Variants in SBNO2 observed in about 807,000 individuals in gnomAD.
SBNO2 encodes the protein strawberry notch homolog 2, also known as protein strawberry notch homolog 2.
SBNO2 carries 89 observed loss-of-function variants against 146.3 expected under a neutral mutation model. The observed-to-expected ratio is 0.61, with a 90% confidence interval of 0.51 to 0.73. SBNO2 has a LOEUF of 0.73. Among genes scored for constraint, SBNO2 ranks in the 30% least tolerant of loss-of-function variants. SBNO2 has a pLI of 0.00. For missense variants in SBNO2, 2,092 were observed against 2,003.7 expected (o/e 1.04, Z -0.84); for synonymous variants, 1,147 against 892.6 (o/e 1.29, Z -5.08).
rs1018547041 is a variant in SBNO2 at position 1,140,394 on chromosome 19, C to T, written c.279+6915G>A. Among the ~76,000 whole-genome samples, 4 of 152,122 alleles carry T rather than the reference C, an allele frequency of 2.6e-5. No homozygotes were observed. Among genetic ancestry groups the T allele is most frequent in the African/African-American group, 7.2e-5 (3 of 41,422 alleles). ...CGGCAGGGGGCCCCACCAGGACACA[C>T]GGGGCTGAGCCATCACCCACCAGGG... is the stretch of plus-strand genomic sequence containing the variant. On this transcript the variant is annotated intron_variant, in intron 4 of 31. Transcript: ENST00000361757. The surrounding 1 kb of genome is among the most constrained non-coding windows in gnomAD (Gnocchi z 4.4).
intron 1 of SBNO2, among the ~76,000 whole-genome samples, chr19:1,164,467 C>T (rs536961056): frequency 5.9e-4 from 77 of 130,450 alleles, no homozygotes; most frequent in Admixed American, 1.5e-3. Context: ...TGCTAGGACA[C>T]TGTGGGGACG....
rs1171031627 is a variant in SBNO2 at position 1,113,670 on chromosome 19, G to A, written c.2112C>T (p.Gly704=). ...PLCLLQRDPH[G]PGVLERVERL... The stretch of plus-strand genomic sequence containing the variant: ...GCTCCACCCGCTCCAGGACCCCGGG[G>A]CCATGCGGGTCTCTCTGCAGGAGGC... The change falls in exon 19 of 32, where the codon GGC becomes GGT. Residue 704 remains glycine, a synonymous_variant. Coordinates refer to ENST00000361757, the MANE Select transcript of SBNO2 (RefSeq NM_014963.3). 6.9e-6 allele frequency: 11 copies of A among 1,594,050 alleles called. No homozygotes were observed. The highest frequency in any genetic ancestry group is 5.5e-5 in the African/African-American group (4 of 73,106).
chr19:1,119,185 C>A (rs747074353), intron 13 of SBNO2, 21 bp from the exon 14 acceptor site: 1 of 1,580,794 alleles, frequency 6.3e-7, no homozygotes, highest in Non-Finnish European at 8.6e-7. Flanking sequence ...ACACAGCCCC[C>A]GTGAGCACGG....
intron 4 of SBNO2, among the ~76,000 whole-genome samples, chr19:1,142,034 C>T (rs1171366679): frequency 6.6e-6 from 1 of 151,712 alleles, no homozygotes; most frequent in African/African-American, 2.4e-5. Context: ...TCAACCCTCC[C>T]CTCAATGACC....
At chr19:1,146,724 G>C (rs1017529793) in intron 4 of SBNO2, among the ~76,000 whole-genome samples, 54 of 145,988 alleles carry the variant, frequency 3.7e-4, no homozygotes, top group East Asian at 1.6e-3. Context: ...CTGTGAGGGT[G>C]GGGGTGGGGT....
At chr19:1,162,858 A>G (rs1205079288) in intron 1 of SBNO2, among the ~76,000 whole-genome samples, 1 of 152,182 alleles carries the variant, frequency 6.6e-6, no homozygotes. Flanking sequence ...GTGGGAAGAG[A>G]GCAGACCATC....
intron 10 of SBNO2, 60 bp downstream of exon 10, chr19:1,122,408 C>T (rs957193542): frequency 7.2e-6 from 11 of 1,527,704 alleles, no homozygotes; most frequent in Middle Eastern, 3.4e-4. Context: ...GCTGAGCAGC[C>T]CCCACTTTGC....
chr19:1,111,654 G>T (rs1280385549), intron 23 of SBNO2, 40 bp from the exon 24 acceptor site: 7 of 1,479,382 alleles, frequency 4.7e-6, no homozygotes, highest in Non-Finnish European at 6.5e-6. Flanking sequence ...GCCCAGGGAG[G>T]AGGCTGGCTT....
chr19:1,169,822 A>G (rs1012715229), intron 1 of SBNO2, among the ~76,000 whole-genome samples: 14 of 152,230 alleles, frequency 9.2e-5, no homozygotes, highest in African/African-American at 3.4e-4. Context: ...TGTCCGGAGC[A>G]TATGACTCAA....
chr19:1,171,235 C>A (rs1030864205), intron 1 of SBNO2, among the ~76,000 whole-genome samples: 7 of 152,008 alleles, frequency 4.6e-5, no homozygotes, highest in African/African-American at 1.7e-4. Context: ...ACACACACAA[C>A]GCACCCACAT....
chr19:1,135,291 G>A (rs1222130678), intron 4 of SBNO2, among the ~76,000 whole-genome samples: 4 of 151,872 alleles, frequency 2.6e-5, no homozygotes, highest in South Asian at 4.2e-4. Flanking sequence ...GAGCTAGAGA[G>A]GTGGAAGCTG....
intron 1 of SBNO2, among the ~76,000 whole-genome samples, chr19:1,172,333 G>T (rs111374841): frequency 6.6e-6 from 1 of 152,168 alleles, no homozygotes; most frequent in Non-Finnish European, 1.5e-5. Flanking sequence ...CCCTTTCTCG[G>T]CAAGAACTCT....
intron 11 of SBNO2, among the ~76,000 whole-genome samples, chr19:1,121,368 G>A (rs1048731486): frequency 1.3e-5 from 2 of 152,206 alleles, no homozygotes; most frequent in Admixed American, 6.5e-5. Flanking sequence ...TCAGCCGGGT[G>A]CGAAGACACC....
intron 10 of SBNO2, 41 bp downstream of exon 10, chr19:1,122,427 G>T (rs1368413488): frequency 9.7e-6 from 15 of 1,545,096 alleles, no homozygotes; most frequent in Non-Finnish European, 1.3e-5. Context: ...GCAGGGCACG[G>T]TCCCCACCTT....
intron 1 of SBNO2, among the ~76,000 whole-genome samples, chr19:1,169,342 G>C (rs2080456158): frequency 6.6e-6 from 1 of 152,242 alleles, no homozygotes; most frequent in Admixed American, 6.5e-5. Context: ...TGCGGCCCCA[G>C]GCTGAGGCCT....
chr19:1,118,893 C>T, intron 14 of SBNO2, 118 bp downstream of exon 14: 1 of 1,081,586 alleles, frequency 9.2e-7, no homozygotes, highest in Non-Finnish European at 1.3e-6. Flanking sequence ...AAAAAAAACC[C>T]CAGGACAGGA....
At chr19:1,133,644 C>A (rs1015857058) in intron 4 of SBNO2, among the ~76,000 whole-genome samples, 9 of 152,224 alleles carry the variant, frequency 5.9e-5, no homozygotes, top group African/African-American at 1.4e-4. Context: ...GCCAGGCACC[C>A]CGCCCGCCAA....
At chr19:1,123,472 G>T in intron 7 of SBNO2, 62 bp downstream of exon 7, 1 of 1,415,652 alleles carries the variant, frequency 7.1e-7, no homozygotes. Flanking sequence ...TCACCTGCAG[G>T]GTCTCGGTCC....
Position 1,109,762 on chromosome 19 carries a change from A to G in SBNO2, c.3044T>C (p.Ile1015Thr). The G allele has an allele frequency of 6.4e-7, 1 of 1,559,618 alleles. No homozygotes were observed. The highest frequency in any genetic ancestry group is 2.4e-5 in the East Asian group (1 of 40,928). The change falls in exon 27 of 32, where the codon ATC becomes ACC. Residue 1015 changes from isoleucine to threonine, a missense_variant. Ile to Thr is a moderately conservative substitution (Grantham distance 89). Coordinates refer to ENST00000361757, the MANE Select transcript of SBNO2 (RefSeq NM_014963.3). The surrounding 1 kb of genome is among the most constrained non-coding windows in gnomAD (Gnocchi z 4.2). Reference protein sequence around the residue: ...DMGILDLAPGIEEIYEESQQV... With the variant: ...DMGILDLAPGTEEIYEESQQV... ...CTGGCTCTCCTCGTAGATCTCCTCG[A>G]TACCGGGAGCAAGGTCTAGGGGGGC...
Sources: gnomAD v4.1 joint callset for allele counts (sites outside exome capture counted in the v4.1 genomes callset) on GRCh38, gnomAD v4.1.1 for gene constraint, Gnocchi (gnomAD v3.1) non-coding constraint, MANE v1.5 for transcripts, NCBI Gene and HGNC (gene_info 2026-07-23, HGNC 2026-07-21) for gene names.